The following CSRNP3 variants were observed in gnomAD, a reference collection of about 807,000 sequenced individuals.
CSRNP3 encodes the protein cysteine/serine-rich nuclear protein 3.
In CSRNP3, 12 loss-of-function variants were observed where a neutral mutation model predicts 48.0. That is an observed-to-expected ratio of 0.25 (90% CI 0.16 to 0.41). The LOEUF (loss-of-function observed/expected upper bound fraction) is 0.41. Ranked by LOEUF, CSRNP3 falls within the 10% of genes least tolerant of loss-of-function variation. The pLI is 1.00. For missense variants in CSRNP3, 580 were observed against 724.4 expected, an observed-to-expected ratio of 0.80 and a Z score of 2.29; for synonymous variants, 263 against 269.7, an observed-to-expected ratio of 0.98 and a Z score of 0.24.
chr2:165,646,163 G>C (rs571153156), intron 4 of CSRNP3, among the ~76,000 whole-genome samples: 1 of 151,958 alleles, frequency 6.6e-6, no homozygotes, highest in African/African-American at 2.4e-5. Flanking sequence ...TATAGTAAAG[G>C]CTTTTTTAGA....
At chr2:165,587,965 G>A (rs978909147) in intron 3 of CSRNP3, among the ~76,000 whole-genome samples, 4 of 152,164 alleles carry the variant, frequency 2.6e-5, no homozygotes, top group African/African-American at 9.7e-5. Context: ...GAACAAATAT[G>A]TATTGAGGCA....
intron 2 of CSRNP3, among the ~76,000 whole-genome samples, chr2:165,517,267 A>G (rs942442934): frequency 6.6e-6 from 1 of 151,970 alleles, no homozygotes; most frequent in Non-Finnish European, 1.5e-5. Context: ...TAATTACGGC[A>G]CTGTAATTTT....
chr2:165,609,600 T>A (rs1159088235), intron 4 of CSRNP3, among the ~76,000 whole-genome samples: 1 of 149,372 alleles, frequency 6.7e-6, no homozygotes, highest in Non-Finnish European at 1.5e-5. Flanking sequence ...ACAGGCAAAA[T>A]GCCTTACATT....
At chr2:165,558,749 C>A (rs566179895) in intron 3 of CSRNP3, among the ~76,000 whole-genome samples, 3 of 152,094 alleles carry the variant, frequency 2.0e-5, no homozygotes, top group African/African-American at 7.2e-5. Flanking sequence ...AATGATTTTA[C>A]GTATTACTCA....
chr2:165,666,208 AAAG>A (rs1687196261), intron 5 of CSRNP3, among the ~76,000 whole-genome samples: 1 of 145,064 alleles, frequency 6.9e-6, no homozygotes, highest in Admixed American at 6.8e-5. Flanking sequence ...AGAGAGGAAG[AAAG>A]AAAGACAGAG....
In CSRNP3 at chr2:165,595,036, G is replaced by T; in HGVS notation, c.-23-7G>T. On this transcript the variant is annotated splice_polypyrimidine_tract_variant and splice_region_variant and intron_variant, in intron 3 of 6. Transcript: ENST00000651982. Reference sequence around the variant, plus strand: ...TCAATGCTCTGTTGCTCTCCTTCCTGTTACAGGTACATGTGACAGCACTGC... The same window carrying T: ...TCAATGCTCTGTTGCTCTCCTTCCTTTTACAGGTACATGTGACAGCACTGC... 2 of 1,611,836 alleles carry T rather than the reference G, an allele frequency of 1.2e-6. 1 individual carries two copies. The highest frequency in any genetic ancestry group is 2.2e-5 in the South Asian group (2 of 90,858).
chr2:165,470,557 G>C (rs1005473996), intron 1 of CSRNP3, among the ~76,000 whole-genome samples: 4 of 151,864 alleles, frequency 2.6e-5, no homozygotes, highest in African/African-American at 9.7e-5. Context: ...TTATATTGTT[G>C]ATAATATCTC....
At chr2:165,476,686 G>C (rs1683966445) in intron 1 of CSRNP3, among the ~76,000 whole-genome samples, 1 of 152,216 alleles carries the variant, frequency 6.6e-6, no homozygotes, top group Admixed American at 6.5e-5. Context: ...GATTGACTTT[G>C]CAATCAAACA....
chr2:165,568,495 C>G (rs1296821685), intron 3 of CSRNP3, among the ~76,000 whole-genome samples: 3 of 152,096 alleles, frequency 2.0e-5, no homozygotes, highest in African/African-American at 4.8e-5. Flanking sequence ...TAGGAACTCC[C>G]TTTTCTCCCA....
chr2:165,643,299 A>G (rs893401945), intron 4 of CSRNP3, among the ~76,000 whole-genome samples: 1 of 152,184 alleles, frequency 6.6e-6, no homozygotes, highest in African/African-American at 2.4e-5. Context: ...ACCATTTCTC[A>G]ATGTTGTGTT....
intron 3 of CSRNP3, among the ~76,000 whole-genome samples, chr2:165,545,001 G>C (rs980419711): frequency 3.9e-5 from 6 of 152,092 alleles, no homozygotes; most frequent in African/African-American, 1.2e-4. Context: ...AAACCCAAAA[G>C]AATGGGTAGT....
chr2:165,483,931 A>G (rs1309387567), intron 1 of CSRNP3, among the ~76,000 whole-genome samples: 2 of 151,646 alleles, frequency 1.3e-5, no homozygotes, highest in African/African-American at 4.8e-5. Context: ...TATTCAGACC[A>G]TAGCATTCTA....
At chr2:165,502,845 T>A (rs1488229160) in intron 2 of CSRNP3, among the ~76,000 whole-genome samples, 1 of 151,974 alleles carries the variant, frequency 6.6e-6, no homozygotes, top group Non-Finnish European at 1.5e-5. Flanking sequence ...TAGATTAATA[T>A]GATTAGTGAA....
chr2:165,505,750 G>GCAA (rs2105222547), intron 2 of CSRNP3, among the ~76,000 whole-genome samples: 1 of 152,090 alleles, frequency 6.6e-6, no homozygotes, highest in South Asian at 2.1e-4. Context: ...CAGTATTGTG[G>GCAA]CAACAAGGCT....
chr2:165,576,154 T>C (rs966169709), intron 3 of CSRNP3, among the ~76,000 whole-genome samples: 1 of 151,004 alleles, frequency 6.6e-6, no homozygotes, highest in African/African-American at 2.4e-5. Flanking sequence ...CACACACATA[T>C]GTGTAACAAT....
At chr2:165,526,789 G>A (rs1431460235) in intron 3 of CSRNP3, among the ~76,000 whole-genome samples, 1 of 152,180 alleles carries the variant, frequency 6.6e-6, no homozygotes, top group Non-Finnish European at 1.5e-5. Context: ...TGATGAGGAT[G>A]TGGAGAAATG....
chr2:165,557,629 A>G (rs971386402), intron 3 of CSRNP3, among the ~76,000 whole-genome samples: 1 of 152,180 alleles, frequency 6.6e-6, no homozygotes, highest in Non-Finnish European at 1.5e-5. Context: ...TATATACCCC[A>G]CACTCTTAAG....
chr2:165,515,240 G>A (rs560406976), intron 2 of CSRNP3, among the ~76,000 whole-genome samples: 33 of 151,148 alleles, frequency 2.2e-4, no homozygotes, highest in African/African-American at 8.0e-4. Flanking sequence ...CAGGAGAATC[G>A]CTTGAACTGG....
intron 1 of CSRNP3, among the ~76,000 whole-genome samples, chr2:165,479,729 C>A (rs893941662): frequency 1.7e-4 from 26 of 151,660 alleles, no homozygotes; most frequent in African/African-American, 5.3e-4. Context: ...TACTAAAAAT[C>A]AAAAAAATTA....
Sources: allele counts gnomAD v4.1 joint callset (sites outside exome capture counted in the v4.1 genomes callset), GRCh38; gene constraint gnomAD v4.1.1; transcripts MANE v1.5; gene names NCBI Gene and HGNC (gene_info 2026-07-23, HGNC 2026-07-21).